EPHA4: variants seen among roughly 807,000 people sequenced by gnomAD.
EPHA4 encodes the protein ephrin type-A receptor 4.
In EPHA4, 19 loss-of-function variants were observed where a neutral mutation model predicts 108.3. The ratio of observed to expected loss-of-function variants is 0.18; its 90% confidence interval spans 0.12 to 0.26. The LOEUF (loss-of-function observed/expected upper bound fraction) is 0.26. Among genes scored for constraint, EPHA4 ranks in the 10% least tolerant of loss-of-function variants. The probability of loss-of-function intolerance (pLI) is 1.00; values close to 1 mark genes in which losing one functional copy is unlikely to be tolerated. For synonymous variants in EPHA4, 449 were observed against 455.5 expected, an observed-to-expected ratio of 0.99 and a Z score of 0.18; for missense variants, 917 against 1,254.0, an observed-to-expected ratio of 0.73 and a Z score of 4.06.
In EPHA4 at chr2:221,526,559, AT is replaced by A. The variant is rs928876229; in HGVS notation, c.824-25388del. 3.8e-5 allele frequency among the ~76,000 whole-genome samples: 5 copies of A among 132,620 alleles called. No homozygotes were observed. In the South Asian group the frequency reaches 1.2e-3, roughly 31 times the overall value. The allele number at this position is 132,620 out of a possible 152,430, so 87.0% of individuals were successfully genotyped here. On this transcript the variant is annotated intron_variant, in intron 3 of 17. Transcript: ENST00000281821. ...ATCTAGTGTAAAAAAAAAAAAAAAA[AT>A]TCATGGCTGGGTGCAGCGGTTCACG...
intron 5 of EPHA4, among the ~76,000 whole-genome samples, chr2:221,480,058 C>T (rs1691771181): frequency 6.7e-6 from 1 of 148,436 alleles, no homozygotes; most frequent in South Asian, 2.2e-4. Context: ...CCCCACCCCA[C>T]CCCACCCCCG....
chr2:221,429,216 C>T (rs1463333712), intron 15 of EPHA4, among the ~76,000 whole-genome samples: 1 of 152,130 alleles, frequency 6.6e-6, no homozygotes, highest in African/African-American at 2.4e-5. Context: ...ATGTAGGTAT[C>T]CTGAGTCTTA....
chr2:221,541,772 CTT>C (rs1693846764), intron 3 of EPHA4, among the ~76,000 whole-genome samples: 1 of 152,138 alleles, frequency 6.6e-6, no homozygotes, highest in Admixed American at 6.5e-5. Context: ...GAGTAATACT[CTT>C]TATATTTTGT....
intron 5 of EPHA4, among the ~76,000 whole-genome samples, chr2:221,475,665 A>G (rs1691631703): frequency 6.6e-6 from 1 of 152,126 alleles, no homozygotes; most frequent in South Asian, 2.1e-4. Context: ...ACGTGAAAAC[A>G]CTCTTACACA....
chr2:221,476,264 A>G (rs959431158), intron 5 of EPHA4, among the ~76,000 whole-genome samples: 1 of 152,042 alleles, frequency 6.6e-6, no homozygotes, highest in Non-Finnish European at 1.5e-5. Context: ...TCAGACCACA[A>G]CTCAGGTCCA....
intron 4 of EPHA4, 110 bp from the exon 5 acceptor site, chr2:221,482,800 G>T: frequency 3.2e-6 from 3 of 937,008 alleles, no homozygotes; most frequent in South Asian, 1.9e-5. Context: ...AACCCACTTG[G>T]CAAAGAAAGC....
Position 221,557,523 on chromosome 2 carries a change from G to A in EPHA4, c.823+6208C>T, listed in dbSNP as rs58004152. On this transcript the variant is annotated intron_variant, in intron 3 of 17. Transcript: ENST00000281821. ...ATACTATTGCCACCAATTTGCAAAC[G>A]TGAACTTGAGTTTAGGGAAGCTAAG... 4.5e-3 allele frequency among the ~76,000 whole-genome samples: 687 copies of A among 152,266 alleles called. 2 individuals carry two copies. Among genetic ancestry groups the A allele is most frequent in the African/African-American group, 0.015 (631 of 41,542 alleles).
chr2:221,444,827 G>C (rs1358313157), intron 9 of EPHA4, among the ~76,000 whole-genome samples: 1 of 127,474 alleles, frequency 7.8e-6, no homozygotes, highest in Admixed American at 9.9e-5. Context: ...GTAGGATCTT[G>C]GTTCACTGCA....
chr2:221,480,745 T>C (rs1691793696), intron 5 of EPHA4, among the ~76,000 whole-genome samples: 1 of 152,208 alleles, frequency 6.6e-6, no homozygotes, highest in Non-Finnish European at 1.5e-5. Flanking sequence ...GAGCTGAAGA[T>C]ACATTCCGGT....
At chr2:221,424,657 G>A (rs549175860) in intron 17 of EPHA4, among the ~76,000 whole-genome samples, 2 of 152,280 alleles carry the variant, frequency 1.3e-5, no homozygotes, top group South Asian at 2.1e-4. Flanking sequence ...AAGCCGAGGC[G>A]AGTTCCAAGT....
At chr2:221,447,638 G>A (rs1690633690) in intron 8 of EPHA4, among the ~76,000 whole-genome samples, 1 of 152,016 alleles carries the variant, frequency 6.6e-6, no homozygotes, top group Admixed American at 6.6e-5. Context: ...CTTTTACACT[G>A]CATTTAACTT....
chr2:221,476,143 C>T (rs557780020), intron 5 of EPHA4, among the ~76,000 whole-genome samples: 1 of 152,252 alleles, frequency 6.6e-6, no homozygotes, highest in East Asian at 1.9e-4. Context: ...TCGCTGGAAC[C>T]TGGGAGGCAG....
At chr2:221,489,160 AC>A (rs983813547) in intron 4 of EPHA4, among the ~76,000 whole-genome samples, 21 of 152,284 alleles carry the variant, frequency 1.4e-4, no homozygotes, top group African/African-American at 4.8e-4. Flanking sequence ...TCTACCTCAC[AC>A]CCAAAGTCAG....
In EPHA4 at chr2:221,439,028, A is replaced by G. The variant is rs144377767; in HGVS notation, c.2075-1906T>C. 5.0e-3 allele frequency among the ~76,000 whole-genome samples: 757 copies of G among 152,252 alleles called. 9 individuals are homozygous for G. The highest frequency in any genetic ancestry group is 0.017 in the African/African-American group (695 of 41,552). Reference sequence around the variant, plus strand: ...TGGGTTTTTAATTCCATGAAGTCCAATATATCAATTTGTGATATTTCTTGA... The same window carrying G: ...TGGGTTTTTAATTCCATGAAGTCCAGTATATCAATTTGTGATATTTCTTGA... On this transcript the variant is annotated intron_variant, in intron 11 of 17. Coordinates refer to ENST00000281821, the MANE Select transcript of EPHA4 (RefSeq NM_004438.5).
intron 5 of EPHA4, among the ~76,000 whole-genome samples, chr2:221,480,096 G>T (rs1397710512): frequency 1.1e-5 from 1 of 93,986 alleles, no homozygotes; most frequent in Non-Finnish European, 2.0e-5. Context: ...TCTTCTTTTG[G>T]AGGATTTTAG....
At chr2:221,490,486 A>G (rs1161562690) in intron 4 of EPHA4, among the ~76,000 whole-genome samples, 1 of 151,730 alleles carries the variant, frequency 6.6e-6, no homozygotes, top group African/African-American at 2.4e-5. Context: ...GCATGGGCAG[A>G]AAGGTAACTC....
intron 14 of EPHA4, among the ~76,000 whole-genome samples, chr2:221,431,098 T>G (rs1441724907): frequency 6.6e-6 from 1 of 152,250 alleles, no homozygotes; most frequent in Non-Finnish European, 1.5e-5. Context: ...AATAATATGG[T>G]AGGACATGCC....
chr2:221,501,313 C>T, intron 3 of EPHA4, 141 bp from the exon 4 acceptor site: 1 of 668,282 alleles, frequency 1.5e-6, no homozygotes, highest in Middle Eastern at 4.0e-4. Flanking sequence ...AAATGCAGGT[C>T]ATGCAACCAA....
At position 221,501,114 on chromosome 2, in the gene EPHA4, T is replaced by TG; in HGVS notation, c.881dup (p.Pro295ThrfsTer16). ...CTTCCCAGACAGAGTAGCTGTGGGG[T>TG]GGGCACTTGGCACAGGTGGCATCCG... On this transcript the variant is annotated frameshift_variant, in exon 4 of 18. Coordinates refer to ENST00000281821, the MANE Select transcript of EPHA4 (RefSeq NM_004438.5). LOFTEE classifies it high-confidence loss of function. 1 of 1,612,910 alleles carries TG rather than the reference T, an allele frequency of 6.2e-7. No homozygotes were observed. The highest frequency in any genetic ancestry group is 8.5e-7 in the Non-Finnish European group (1 of 1,179,428).
Sources: gnomAD v4.1 joint callset for allele counts (sites outside exome capture counted in the v4.1 genomes callset) on GRCh38, gnomAD v4.1.1 for gene constraint, MANE v1.5 for transcripts, NCBI Gene and HGNC (gene_info 2026-07-23, HGNC 2026-07-21) for gene names.